Variants in GAS2L3 observed in about 807,000 individuals in gnomAD.
GAS2L3 encodes the protein GAS2-like protein 3.
In GAS2L3, 28 loss-of-function variants were observed where a neutral mutation model predicts 37.0. The ratio of observed to expected loss-of-function variants is 0.76; its 90% CI spans 0.56 to 1.04. GAS2L3 has a LOEUF of 1.04. GAS2L3 is among the 50% of genes least tolerant of loss of function. The pLI is 0.00. For missense variants in GAS2L3, 793 were observed against 817.6 expected, an observed-to-expected ratio of 0.97 and a Z score of 0.37; for synonymous variants, 290 against 296.6, an observed-to-expected ratio of 0.98 and a Z score of 0.23.
chr12:100,615,709 G>A (rs1956178530), intron 6 of GAS2L3, among the ~76,000 whole-genome samples: 1 of 152,068 alleles, frequency 6.6e-6, no homozygotes, highest in African/African-American at 2.4e-5. Context: ...TTTGCATGTG[G>A]ATGTCCAGTT....
chr12:100,616,337 A>T (rs1306621490), intron 6 of GAS2L3, among the ~76,000 whole-genome samples: 1 of 152,078 alleles, frequency 6.6e-6, no homozygotes, highest in Admixed American at 6.6e-5. Flanking sequence ...ACAACTTTGA[A>T]CTTGCTTATT....
At chr12:100,586,915 A>G (rs767131539) in intron 1 of GAS2L3, among the ~76,000 whole-genome samples, 4 of 152,232 alleles carry the variant, frequency 2.6e-5, no homozygotes, top group South Asian at 2.1e-4. Context: ...CAACACTGAA[A>G]TATAAAAGAT....
chr12:100,583,732 G>T (rs1420939337), intron 1 of GAS2L3, among the ~76,000 whole-genome samples: 1 of 151,972 alleles, frequency 6.6e-6, no homozygotes, highest in Non-Finnish European at 1.5e-5. Context: ...GCCTCTCAAA[G>T]TGCTGGGATT....
At position 100,623,714 on chromosome 12, in the gene GAS2L3, T is replaced by C; in HGVS notation, c.909T>C (p.Ser303=). The C allele has an allele frequency of 6.2e-7, 1 of 1,613,958 alleles. No individual in the cohort carries two copies. The highest frequency in any genetic ancestry group is 8.5e-7 in the Non-Finnish European group (1 of 1,179,932). Residue 303 remains serine, a synonymous_variant, in exon 10 of 10, where the codon AGT becomes AGC. Transcript: ENST00000547754. ...TTCAAAAAGGAGTTTCTAATGAAAG[T>C]GTACCTGATTCGCCTGCCAGAACAC... ...LAFQKGVSNE[S]VPDSPARTPQ...
intron 6 of GAS2L3, among the ~76,000 whole-genome samples, chr12:100,613,923 G>C (rs938467729): frequency 1.1e-4 from 16 of 152,036 alleles, no homozygotes; most frequent in Non-Finnish European, 1.5e-4. Context: ...GAGGGAATCA[G>C]GGCACATGCA....
At chr12:100,581,942 A>T (rs1955717915) in intron 1 of GAS2L3, among the ~76,000 whole-genome samples, 1 of 152,232 alleles carries the variant, frequency 6.6e-6, no homozygotes, top group South Asian at 2.1e-4. Context: ...TAACTTGCAA[A>T]TTAAAATATT....
intron 5 of GAS2L3, 42 bp from the exon 6 acceptor site, chr12:100,611,958 A>G (rs1255690545): frequency 1.5e-6 from 2 of 1,370,270 alleles, no homozygotes; most frequent in Non-Finnish European, 2.1e-6. Flanking sequence ...TAATGAAAGT[A>G]TCCTTGATAC....
intron 5 of GAS2L3, among the ~76,000 whole-genome samples, chr12:100,605,670 A>AGGATTT (rs1956047001): frequency 6.6e-6 from 1 of 151,664 alleles, no homozygotes; most frequent in African/African-American, 2.4e-5. Context: ...TGTATCCCAT[A>AGGATTT]GGTTTTGGTA....
intron 3 of GAS2L3, among the ~76,000 whole-genome samples, chr12:100,599,408 GGTAGTATTTCATGCTTTGTGGACCA>G (rs1955955692): frequency 6.6e-6 from 1 of 151,954 alleles, no homozygotes; most frequent in African/African-American, 2.4e-5. Context: ...CAGTTGTTCA[GGTAGTATTTCATGCTTTGTGGACCA>G]GTAGGCAAAA....
chr12:100,619,643 T>C (rs185101093), intron 8 of GAS2L3, among the ~76,000 whole-genome samples: 7 of 152,162 alleles, frequency 4.6e-5, no homozygotes, highest in Non-Finnish European at 1.5e-5. Flanking sequence ...TGTGTGTATA[T>C]ATATATAATG....
intron 1 of GAS2L3, among the ~76,000 whole-genome samples, chr12:100,584,271 G>A (rs540625978): frequency 6.6e-6 from 1 of 152,252 alleles, no homozygotes; most frequent in Admixed American, 6.5e-5. Flanking sequence ...GGCCAATCAG[G>A]AAGGGCTACT....
chr12:100,576,782 G>A (rs1955643324), intron 1 of GAS2L3, among the ~76,000 whole-genome samples: 7 of 152,144 alleles, frequency 4.6e-5, no homozygotes, highest in Admixed American at 4.6e-4. Context: ...AAGCCACCAT[G>A]TATTTCATAA....
At chr12:100,610,570 A>C (rs1385729009) in intron 5 of GAS2L3, among the ~76,000 whole-genome samples, 3 of 151,708 alleles carry the variant, frequency 2.0e-5, no homozygotes, top group Non-Finnish European at 2.9e-5. Flanking sequence ...GGAAAAAAAA[A>C]CTCCTAACGT....
chr12:100,590,132 C>T (rs886144965), intron 1 of GAS2L3, among the ~76,000 whole-genome samples: 1 of 152,106 alleles, frequency 6.6e-6, no homozygotes, highest in Non-Finnish European at 1.5e-5. Context: ...AACAGACAAC[C>T]CACAGAGTGG....
chr12:100,600,608 G>C (rs1955975954), intron 4 of GAS2L3, 58 bp downstream of exon 4: 2 of 1,298,584 alleles, frequency 1.5e-6, no homozygotes, highest in Non-Finnish European at 2.2e-6. Context: ...CATTTATTGA[G>C]AGCCTTACTC....
Position 100,618,301 on chromosome 12 carries a change from A to T in GAS2L3, c.510-148A>T, listed in dbSNP as rs565283528. 5 of 760,508 alleles carry T rather than the reference A, an allele frequency of 6.6e-6. No individual in the cohort carries two copies. In the East Asian group the frequency reaches 1.4e-4, roughly 21 times the overall value. The allele number at this position is 760,508 out of a possible 1,614,324, so 47.1% of individuals were successfully genotyped here. On this transcript the variant is annotated intron_variant, in intron 7 of 9. Transcript: ENST00000547754. ...ATAGATATTTTACAATCTGTGAGAC[A>T]TTAAAAAGCATTTTCAAATATCCCA... is the stretch of plus-strand genomic sequence containing the variant.
At chr12:100,617,036 A>G (rs1956196211) in intron 6 of GAS2L3, among the ~76,000 whole-genome samples, 1 of 150,972 alleles carries the variant, frequency 6.6e-6, no homozygotes. Flanking sequence ...TTTAATCATG[A>G]AATGGTTGGA....
chr12:100,608,916 C>T (rs993975595), intron 5 of GAS2L3, among the ~76,000 whole-genome samples: 1 of 152,210 alleles, frequency 6.6e-6, no homozygotes, highest in African/African-American at 2.4e-5. Flanking sequence ...TCCTCTTTTT[C>T]TGGGCAGAGA....
At chr12:100,593,694 G>A (rs369408132) in intron 2 of GAS2L3, 8 of 152,150 alleles carry the variant, frequency 5.3e-5, no homozygotes, top group East Asian at 3.9e-4. Flanking sequence ...TCTTACTTCC[G>A]AGAAGTGGAT....
Sources: gnomAD v4.1 joint callset for allele counts (sites outside exome capture counted in the v4.1 genomes callset) on GRCh38, gnomAD v4.1.1 for gene constraint, MANE v1.5 for transcripts, NCBI Gene and HGNC (gene_info 2026-07-23, HGNC 2026-07-21) for gene names.